TBX10: variants seen among roughly 807,000 people sequenced by gnomAD.
TBX10 encodes T-box transcription factor TBX10.
A neutral mutation model predicts 32.4 loss-of-function variants in TBX10; 26 were observed. The observed-to-expected ratio is 0.80, with a 90% CI of 0.59 to 1.11. The LOEUF (loss-of-function observed/expected upper bound fraction) is 1.11, where lower values mean the gene tolerates loss of function less well. Among genes scored for constraint, TBX10 ranks in the 50% most tolerant of loss-of-function variants. The pLI is 0.00. For missense variants in TBX10, 490 were observed against 494.5 expected, an observed-to-expected ratio of 0.99 and a Z score of 0.09; for synonymous variants, 195 against 203.1, an observed-to-expected ratio of 0.96 and a Z score of 0.34.
chr11:67,638,583 C>T lies in TBX10; in HGVS notation c.7+883G>A, dbSNP rs572214084. Among the ~76,000 whole-genome samples the T allele has an allele frequency of 2.6e-5, 4 of 152,280 alleles. No individual in the cohort carries two copies. In the South Asian group the frequency reaches 8.3e-4, roughly 32 times the overall value. ...GGTGGCATAGCATCTGCTGAGGTAC[C>T]AGGTGGACGGCACCTGGCCAGGGTG... is the stretch of plus-strand genomic sequence containing the variant. On this transcript the variant is annotated intron_variant, in intron 1 of 7. Transcript: ENST00000335385.
At chr11:67,634,398 CAG>C in intron 3 of TBX10, 38 bp from the exon 4 acceptor site, 3 of 1,598,020 alleles carry the variant, frequency 1.9e-6, no homozygotes, top group Non-Finnish European at 2.5e-6. Flanking sequence ...CTTCCCCAAC[CAG>C]AGTCACGCCT....
At position 67,631,889 on chromosome 11, in the gene TBX10, T is replaced by G. The variant is rs1446838523; in HGVS notation, c.874A>C (p.Asn292His). ...KGATDREKDP[N>H]KASASTSKTP... is the part of the protein sequence containing the mutation. ...TTGGAGGTGGAAGCTGAAGCTTTGT[T>G]GGGGTCTGAGGGAGGAAATGAGTGG... The change falls in exon 8 of 8, where the codon AAC (asparagine) becomes CAC (histidine). Residue 292 changes from asparagine to histidine, a missense_variant. Around this residue, in one of 3 missense-constraint regions of TBX10, gnomAD observed 177 missense variants for 176.6 expected, o/e 1.00. Coordinates refer to ENST00000335385, the MANE Select transcript of TBX10 (RefSeq NM_005995.5). The G allele has an allele frequency of 6.4e-7, 1 of 1,567,854 alleles. No individual in the cohort carries two copies.
intron 7 of TBX10, among the ~76,000 whole-genome samples, chr11:67,632,113 A>G (rs925342271): frequency 2.6e-5 from 4 of 152,162 alleles, no homozygotes; most frequent in Admixed American, 1.3e-4. Flanking sequence ...CTCCTGCAGG[A>G]AGCCTGCCTG....
chr11:67,640,095 C>A (rs1257226224), upstream of TBX10, among the ~76,000 whole-genome samples: 1 of 152,058 alleles, frequency 6.6e-6, no homozygotes, highest in Non-Finnish European at 1.5e-5. Context: ...CTGAGGCTGG[C>A]CCCAGCCGGC....
rs760936339 is a variant in TBX10 at position 67,632,598 on chromosome 11, A to G, written c.773+5T>C. The stretch of plus-strand genomic sequence containing the variant: ...TGAGGGGCTAGGGTCAGGGTCAGAC[A>G]GTACCAGGAGTCCAGGTCACTCTCT... On this transcript the variant is annotated splice_donor_5th_base_variant and intron_variant, in intron 6 of 7. Transcript: ENST00000335385. The G allele has an allele frequency of 2.6e-5, 42 of 1,613,918 alleles. No homozygotes were observed. Among genetic ancestry groups the G allele is most frequent in the Non-Finnish European group, 3.5e-5 (41 of 1,180,006 alleles).
At chr11:67,639,404 C>A in intron 1 of TBX10, 62 bp downstream of exon 1, 1 of 752,382 alleles carries the variant, frequency 1.3e-6, no homozygotes, top group Non-Finnish European at 2.3e-6. Flanking sequence ...CCCACCCTGC[C>A]CACCCACCCT....
upstream of TBX10, among the ~76,000 whole-genome samples, chr11:67,641,557 CCTT>C (rs1855406552): frequency 6.6e-6 from 1 of 152,238 alleles, no homozygotes; most frequent in East Asian, 1.9e-4. Context: ...ATCCTTCACA[CCTT>C]CTCATATCAC....
intron 1 of TBX10, among the ~76,000 whole-genome samples, chr11:67,635,774 C>A (rs1363988247): frequency 6.6e-6 from 1 of 152,080 alleles, no homozygotes; most frequent in South Asian, 2.1e-4. Context: ...CCAAGAAGAG[C>A]CCCCCATTCA....
chr11:67,633,502 G>A (rs945222380), intron 4 of TBX10, among the ~76,000 whole-genome samples: 1 of 152,052 alleles, frequency 6.6e-6, no homozygotes, highest in Non-Finnish European at 1.5e-5. Flanking sequence ...CACCCCACAC[G>A]GTAAAAGCCA....
intron 3 of TBX10, among the ~76,000 whole-genome samples, chr11:67,634,592 C>A (rs1390318822): frequency 6.6e-6 from 1 of 152,214 alleles, no homozygotes; most frequent in Admixed American, 6.5e-5. Context: ...GACCTCTCTG[C>A]CTGCCCAAGG....
chr11:67,632,414 T>C lies in TBX10; in HGVS notation c.774-2A>G, dbSNP rs1159708527. 2 of 1,609,710 alleles carry C rather than the reference T, an allele frequency of 1.2e-6. No individual in the cohort carries two copies. Among genetic ancestry groups the C allele is most frequent in the Non-Finnish European group, 1.7e-6 (2 of 1,177,846 alleles). ...AGCAGGGGCCGTGGGGCCACAGGCC[T>C]GAAAGAGCAAGCGAGAATGGGGGGA... On this transcript the variant is annotated splice_acceptor_variant, in intron 6 of 7. Coordinates refer to ENST00000335385, the MANE Select transcript of TBX10 (RefSeq NM_005995.5). LOFTEE classifies it high-confidence loss of function.
At chr11:67,638,727 G>A (rs952506689) in intron 1 of TBX10, among the ~76,000 whole-genome samples, 1 of 152,184 alleles carries the variant, frequency 6.6e-6, no homozygotes, top group Non-Finnish European at 1.5e-5. Context: ...GGGAGGGGGC[G>A]TCTTTGTGAC....
At chr11:67,640,452 G>A (rs1018356949), upstream of TBX10, among the ~76,000 whole-genome samples, 1 of 152,190 alleles carries the variant, frequency 6.6e-6, no homozygotes, top group Non-Finnish European at 1.5e-5. Context: ...GAGTGGAAAC[G>A]GTGAGGCTGG....
chr11:67,634,727 C>A lies in TBX10; in HGVS notation c.377+89G>T, dbSNP rs1049834399. The A allele has an allele frequency of 1.0e-5, 14 of 1,395,690 alleles. No individual in the cohort carries two copies. The South Asian group carries it at 1.4e-4, about 14-fold the overall frequency. The allele number at this position is 1,395,690 out of a possible 1,614,324, so 86.5% of individuals were successfully genotyped here. A position where few individuals can be genotyped will look rare whatever the true frequency, so the allele number is the denominator to read the frequency against. On this transcript the variant is annotated intron_variant, in intron 3 of 7. Transcript: ENST00000335385. ...ACCTCCCTGGCATTGTTTGGACAGGCCCCTGCCTCACCTTGGGGTGCAGGA... is the reference window on the plus strand; with the variant it reads ...ACCTCCCTGGCATTGTTTGGACAGGACCCTGCCTCACCTTGGGGTGCAGGA...
chr11:67,632,260 G>A (rs1039564256), intron 7 of TBX10, 58 bp downstream of exon 7: 3 of 1,594,788 alleles, frequency 1.9e-6, no homozygotes, highest in Non-Finnish European at 2.6e-6. Context: ...CTGTCCCTTT[G>A]CCTTCCGCCC....
intron 1 of TBX10, 28 bp from the exon 2 acceptor site, chr11:67,635,291 C>A (rs776246091): frequency 4.3e-6 from 7 of 1,612,382 alleles, no homozygotes; most frequent in Non-Finnish European, 5.9e-6. Flanking sequence ...AAGTGTGGGC[C>A]CCACGCATCA....
At chr11:67,632,792 T>C (rs1855259234) in intron 5 of TBX10, 122 bp from the exon 6 acceptor site, 3 of 1,542,332 alleles carry the variant, frequency 1.9e-6, no homozygotes, top group Non-Finnish European at 2.7e-6. Context: ...AACTCTGAGC[T>C]GATAGGAGTG....
chr11:67,639,393 T>TACCCCCCCCC, intron 1 of TBX10, 73 bp downstream of exon 1: 7 of 726,908 alleles, frequency 9.6e-6, no homozygotes, highest in African/African-American at 1.8e-5. Flanking sequence ...CTGTCTTGGT[T>TACCCCCCCCC]CCCACCCTGC....
chr11:67,633,616 A>C (rs1855274339), intron 4 of TBX10, among the ~76,000 whole-genome samples: 1 of 152,108 alleles, frequency 6.6e-6, no homozygotes, highest in Non-Finnish European at 1.5e-5. Context: ...CTGCCGGCCC[A>C]GGATTCTCTG....
Sources: gnomAD v4.1 joint callset for allele counts (sites outside exome capture counted in the v4.1 genomes callset) on GRCh38, gnomAD v4.1.1 for gene constraint, gnomAD v4.1.1 regional missense constraint, MANE v1.5 for transcripts, NCBI Gene and HGNC (gene_info 2026-07-23, HGNC 2026-07-21) for gene names.